The following SMC4 variants were observed in gnomAD, a reference collection of about 807,000 sequenced individuals.
SMC4 encodes the protein structural maintenance of chromosomes 4, also known as structural maintenance of chromosomes protein 4.
SMC4 carries 87 observed loss-of-function variants against 145.6 expected under a neutral mutation model. The observed-to-expected ratio is 0.60, with a 90% confidence interval of 0.50 to 0.71. The LOEUF (loss-of-function observed/expected upper bound fraction) is 0.71, where lower values mean the gene tolerates loss of function less well. Ranked by LOEUF, SMC4 falls within the 30% of genes least tolerant of loss-of-function variation. The pLI is 0.00. For missense variants in SMC4, 1,447 were observed against 1,537.1 expected, an observed-to-expected ratio of 0.94 and a Z score of 0.98; for synonymous variants, 558 against 500.7, an observed-to-expected ratio of 1.11 and a Z score of -1.53.
intron 11 of SMC4, among the ~76,000 whole-genome samples, chr3:160,418,380 A>T (rs1377375738): frequency 1.3e-5 from 2 of 152,168 alleles, no homozygotes; most frequent in African/African-American, 4.8e-5. Context: ...TTATAAACTA[A>T]CTAAGATGTA....
At position 160,431,696 on chromosome 3, in the gene SMC4, G is replaced by T; in HGVS notation, c.3168G>T (p.Ser1056=). Residue 1056 remains serine (S), a synonymous_variant, in exon 21 of 24, where the codon TCG becomes TCT. Coordinates refer to ENST00000357388, the MANE Select transcript of SMC4 (RefSeq NM_001002800.3). ...PIEDNPIEEI[S]VLSPEDLEAI... Reference sequence around the variant, plus strand: ...AAGATAATCCTATTGAAGAGATTTCGGTTCTAAGCCCAGAGGATCTTGAAG... The same window carrying T: ...AAGATAATCCTATTGAAGAGATTTCTGTTCTAAGCCCAGAGGATCTTGAAG... 1.2e-6 allele frequency: 2 copies of T among 1,610,910 alleles called. No homozygotes were observed. Among genetic ancestry groups the T allele is most frequent in the South Asian group, 1.1e-5 (1 of 90,414 alleles).
chr3:160,409,699 T>C (rs1420908450), intron 5 of SMC4, among the ~76,000 whole-genome samples: 1 of 152,214 alleles, frequency 6.6e-6, no homozygotes, highest in Non-Finnish European at 1.5e-5. Context: ...ATATTCTCCT[T>C]GAATTGGGTA....
Position 160,413,592 on chromosome 3 carries a change from A to T in SMC4, c.1100A>T (p.Lys367Ile). The part of the protein sequence containing the change: ...ILSNEMKAKN[K>I]DVKDTEKKLN... ...TCAAATGAAATGAAAGCTAAGAATA[A>T]AGATGTAAAAGATACAGAAAAGTAA... Residue 367 changes from lysine (K) to isoleucine (I), a missense_variant, in exon 8 of 24, where the codon AAA becomes ATA. Coordinates refer to ENST00000357388, the MANE Select transcript of SMC4 (RefSeq NM_001002800.3). 7.1e-7 allele frequency: 1 copy of T among 1,415,696 alleles called. No individual in the cohort carries two copies. The highest frequency in any genetic ancestry group is 9.7e-7 in the Non-Finnish European group (1 of 1,029,190). 87.7% of individuals were successfully genotyped at this position (1,415,696 alleles called of 1,614,324 possible).
In SMC4 at chr3:160,402,049, T is replaced by C; in HGVS notation, c.274T>C (p.Phe92Leu). 1 of 1,578,174 alleles carries C rather than the reference T, an allele frequency of 6.3e-7. No individual in the cohort carries two copies. The highest frequency in any genetic ancestry group is 1.2e-5 in the South Asian group (1 of 83,892). The change falls in exon 3 of 24, where the codon TTC (phenylalanine) becomes CTC (leucine). Residue 92 changes from phenylalanine to leucine, a missense_variant. By Grantham distance (22) the Phe-to-Leu change is conservative (BLOSUM62 0). Coordinates refer to ENST00000357388, the MANE Select transcript of SMC4 (RefSeq NM_001002800.3). ...LMITHIVNQN[F>L]KSYAGEKILG... ...GATAACTCATATTGTAAACCAGAAC[T>C]TCAAATCCTATGCTGGGGAGAAAAT...
chr3:160,402,936 AT>A, intron 4 of SMC4, 69 bp downstream of exon 4: 1 of 1,175,054 alleles, frequency 8.5e-7, no homozygotes, highest in Non-Finnish European at 1.2e-6. Flanking sequence ...TACATATTTT[AT>A]TTTTGGCTTT....
At position 160,431,081 on chromosome 3, in the gene SMC4, TAA is replaced by T. The variant is rs754058902; in HGVS notation, c.2993_2994del (p.Lys998SerfsTer6). ...GAACATCGCAATCTGCTTCAAGAAT[TAA>T]AAGTTATTCAAGAAAATGAACATGC... On this transcript the variant is annotated frameshift_variant, in exon 20 of 24. Coordinates refer to ENST00000357388, the MANE Select transcript of SMC4 (RefSeq NM_001002800.3). LOFTEE classifies it high-confidence loss of function. 6.8e-6 allele frequency: 11 copies of T among 1,607,880 alleles called. No homozygotes were observed. Among genetic ancestry groups the T allele is most frequent in the Admixed American group, 1.7e-5 (1 of 58,324 alleles).
Position 160,401,078 on chromosome 3 carries a change from C to G in SMC4, c.139+113C>G, listed in dbSNP as rs1576928822. 3.9e-6 allele frequency: 5 copies of G among 1,276,224 alleles called. No homozygotes were observed. In the East Asian group the frequency reaches 9.5e-5, roughly 24 times the overall value. The allele number at this position is 1,276,224 out of a possible 1,614,324, so 79.1% of individuals were successfully genotyped here. ...AGCGCGGAGTTGACATCTGAAGGTC[C>G]GGTGTCGGTCCGGTAGAGGCTCAGG... On this transcript the variant is annotated intron_variant, in intron 2 of 23. Transcript: ENST00000357388.
intron 12 of SMC4, 157 bp from the exon 13 acceptor site, chr3:160,420,581 CTT>C (rs1717057821): frequency 1.7e-6 from 1 of 597,242 alleles, no homozygotes; most frequent in Non-Finnish European, 2.8e-6. Context: ...TATTCATAAA[CTT>C]ATACATATTT....
In SMC4 at chr3:160,417,771, C is replaced by T. The variant is rs543973379; in HGVS notation, c.1486C>T (p.Arg496Cys). 2.5e-5 allele frequency: 41 copies of T among 1,613,194 alleles called. No homozygotes were observed. Among genetic ancestry groups the T allele is most frequent in the South Asian group, 3.3e-5 (3 of 91,054 alleles). Residue 496 changes from arginine (R) to cysteine (C), a missense_variant, in exon 11 of 24, where the codon CGT (arginine) becomes TGT (cysteine). By Grantham distance (180) the Arg-to-Cys change is radical. Coordinates refer to ENST00000357388, the MANE Select transcript of SMC4 (RefSeq NM_001002800.3). ...MGFSKSVNEA[R>C]SKMDVAQSEL... ...TTTCAGCAAATCGGTAAATGAAGCA[C>T]GTTCAAAGATGGATGTAGCCCAGTC...
chr3:160,423,287 G>GA, intron 13 of SMC4, 138 bp from the exon 14 acceptor site: 1 of 639,254 alleles, frequency 1.6e-6, no homozygotes, highest in Non-Finnish European at 2.6e-6. Flanking sequence ...CTTCCGTTTA[G>GA]GTCTAATTTT....
At position 160,416,320 on chromosome 3, in the gene SMC4, G is replaced by T; in HGVS notation, c.1342G>T (p.Ala448Ser). Residue 448 changes from alanine (A) to serine (S), a missense_variant, in exon 10 of 24, where the codon GCC (alanine) becomes TCC (serine). Transcript: ENST00000357388. ...TAATGAAACAACAACCAGAAACAAT[G>T]CCCTCGAGAAGGAAAAAGAGAAAGA... Reference protein sequence around the residue: ...IINETTTRNNALEKEKEKEEK... With the variant: ...IINETTTRNNSLEKEKEKEEK... 6.2e-7 allele frequency: 1 copy of T among 1,604,918 alleles called. No individual in the cohort carries two copies. The highest frequency in any genetic ancestry group is 1.3e-5 in the African/African-American group (1 of 74,378).
At chr3:160,412,161 T>TC in intron 6 of SMC4, 77 bp downstream of exon 6, 2 of 1,509,408 alleles carry the variant, frequency 1.3e-6, no homozygotes, top group Non-Finnish European at 1.8e-6. Flanking sequence ...AGTCAGATAT[T>TC]CATGTTATAA....
In SMC4 at chr3:160,401,982, G is replaced by A. The variant is rs1393026232; in HGVS notation, c.207G>A (p.Pro69=). 4 of 1,603,458 alleles carry A rather than the reference G, an allele frequency of 2.5e-6. No homozygotes were observed. The highest frequency in any genetic ancestry group is 2.6e-6 in the Non-Finnish European group (3 of 1,175,304). The change falls in exon 3 of 24, where the codon CCG becomes CCA. Residue 69 remains proline, a synonymous_variant. Coordinates refer to ENST00000357388, the MANE Select transcript of SMC4 (RefSeq NM_001002800.3). ...TTTTGAACAGCATTCCTCCTCCCCC[G>A]CCTCCAGCAATGACCAATGAAGCTG... ...EEILNSIPPP[P]PPAMTNEAGA... is the part of the protein sequence containing the mutation.
chr3:160,404,555 T>C lies in SMC4; in HGVS notation c.687+51T>C, dbSNP rs777614833. On this transcript the variant is annotated intron_variant, in intron 5 of 23. Coordinates refer to ENST00000357388, the MANE Select transcript of SMC4 (RefSeq NM_001002800.3). The stretch of plus-strand genomic sequence containing the variant: ...TTCTCTTATTCTTGTTACTTTTTTT[T>C]CTATAAAGCTAGGTTGGATGAATCC... 14 of 1,570,338 alleles carry C rather than the reference T, an allele frequency of 8.9e-6. No individual in the cohort carries two copies. In the South Asian group the frequency reaches 1.2e-4, roughly 14 times the overall value.
rs766643374 is a variant in SMC4 at position 160,426,188 on chromosome 3, G to A, written c.2593G>A (p.Ala865Thr). ...KQKLLEENVS[A>T]FKTEYDAVAE... ...GAAATTGCTAGAAGAAAACGTTAGT[G>A]CTTTCAAAACAGGTATGTTTAGAGA... The change falls in exon 17 of 24, where the codon GCT becomes ACT. Residue 865 changes from alanine to threonine, a missense_variant. Coordinates refer to ENST00000357388, the MANE Select transcript of SMC4 (RefSeq NM_001002800.3). The A allele has an allele frequency of 1.6e-5, 26 of 1,607,296 alleles. No individual in the cohort carries two copies. The highest frequency in any genetic ancestry group is 2.0e-5 in the Non-Finnish European group (23 of 1,177,584).
intron 4 of SMC4, chr3:160,404,120 C>T (rs1367516014): frequency 4.3e-6 from 2 of 465,216 alleles, no homozygotes; most frequent in Non-Finnish European, 7.4e-6. Context: ...TTTTTGTGAT[C>T]TTTGAGAAAG....
chr3:160,428,429 G>A (rs938836410), intron 17 of SMC4, among the ~76,000 whole-genome samples: 2 of 152,126 alleles, frequency 1.3e-5, no homozygotes, highest in African/African-American at 2.4e-5. Context: ...GTGTATCTAA[G>A]GCTAAAAATC....
At chr3:160,406,871 T>C (rs7645798) in intron 5 of SMC4, among the ~76,000 whole-genome samples, 18,839 of 152,234 alleles carry the variant, frequency 0.12, 1,933 homozygotes, top group African/African-American at 0.28. Flanking sequence ...TTAAGATGGC[T>C]AAACCTTATT....
chr3:160,400,632 T>C (rs79066383), intron 1 of SMC4, 190 bp from the exon 2 acceptor site: 9,082 of 618,564 alleles, frequency 0.015, 394 homozygotes, highest in African/African-American at 0.11. Context: ...ACATAGGTCT[T>C]GTTAAGAAAC....
Sources: allele counts gnomAD v4.1 joint callset (sites outside exome capture counted in the v4.1 genomes callset), GRCh38; gene constraint gnomAD v4.1.1; transcripts MANE v1.5; gene names NCBI Gene and HGNC (gene_info 2026-07-23, HGNC 2026-07-21).